Variants in OR2C1 observed in about 807,000 individuals in gnomAD.
OR2C1 encodes the protein olfactory receptor 2C1.
For synonymous variants in OR2C1, 209 were observed against 167.3 expected (o/e 1.25, Z -1.92); for missense variants, 468 against 388.3 (o/e 1.21, Z -1.73).
At chr16:3,343,910 C>T in the OR2C1 span, among the ~76,000 whole-genome samples, 8 of 152,134 alleles carry the variant, frequency 5.3e-5, no homozygotes, top group Non-Finnish European at 7.4e-5. Context: ...AAGTTTATCT[C>T]GACTGGCTTA....
chr16:3,334,004 A>G, the OR2C1 span, among the ~76,000 whole-genome samples: 2 of 151,340 alleles, frequency 1.3e-5, no homozygotes, highest in Non-Finnish European at 1.5e-5. Flanking sequence ...ACAGGGTCTC[A>G]CTCTGTCACC....
the OR2C1 span, among the ~76,000 whole-genome samples, chr16:3,342,948 A>G: frequency 6.6e-6 from 1 of 152,222 alleles, no homozygotes; most frequent in African/African-American, 2.4e-5. Context: ...CCAGTGAATT[A>G]TGCTGAGTGA....
chr16:3,349,093 T>C, the OR2C1 span, among the ~76,000 whole-genome samples: 4 of 152,168 alleles, frequency 2.6e-5, no homozygotes, highest in South Asian at 8.3e-4. Context: ...TAAGAGGAGA[T>C]AAGGCCACCT....
chr16:3,323,750 G>C, the OR2C1 span: 1 of 690,044 alleles, frequency 1.4e-6, no homozygotes, highest in Non-Finnish European at 2.6e-6. Context: ...CTGCCACCAG[G>C]AATTATGTAG....
At chr16:3,331,019 G>C in the OR2C1 span, among the ~76,000 whole-genome samples, 4 of 152,110 alleles carry the variant, frequency 2.6e-5, no homozygotes, top group Admixed American at 1.3e-4. Flanking sequence ...TAAAAGTGTT[G>C]CTATTTCTCC....
upstream of OR2C1, among the ~76,000 whole-genome samples, chr16:3,351,220 C>CTTTTTTTT (rs779814781): frequency 1.1e-3 from 21 of 18,650 alleles, no homozygotes; most frequent in African/African-American, 3.8e-3. Context: ...TTTTCTTTTT[C>CTTTTTTTT]TTTTTCTTTT....
rs775333878 is a variant in OR2C1 at position 3,355,932 on chromosome 16, C to A, written c.-9C>A. On this transcript the variant is annotated 5_prime_UTR_variant, in exon 1 of 1. Transcript: ENST00000304936. The stretch of plus-strand genomic sequence containing the variant: ...AATGAATTCATCAAGTGACTGAAGA[C>A]AACCAGTGATGGACGGGGTGAATGA... The A allele has an allele frequency of 6.3e-7, 1 of 1,579,828 alleles. No individual in the cohort carries two copies. Among genetic ancestry groups the A allele is most frequent in the Non-Finnish European group, 8.6e-7 (1 of 1,160,266 alleles).
In OR2C1 at chr16:3,355,977, G is replaced by A; in HGVS notation, c.37G>A (p.Val13Ile). The A allele has an allele frequency of 1.2e-6, 2 of 1,613,664 alleles. No homozygotes were observed. Among genetic ancestry groups the A allele is most frequent in the Non-Finnish European group, 1.7e-6 (2 of 1,179,682 alleles). The change falls in exon 1 of 1, where the codon GTT becomes ATT. Residue 13 changes from valine (V) to isoleucine (I), a missense_variant. Transcript: ENST00000304936. Reference protein sequence around the residue: ...GVNDSSLQGFVLMGISDHPQL... With the variant: ...GVNDSSLQGFILMGISDHPQL... ...GAATGATAGCTCCTTGCAGGGCTTT[G>A]TTCTGATGGGCATATCAGACCATCC...
upstream of OR2C1, among the ~76,000 whole-genome samples, chr16:3,352,340 T>G (rs1047862696): frequency 1.3e-5 from 2 of 152,054 alleles, no homozygotes; most frequent in African/African-American, 4.8e-5. Context: ...TGGTCTTGGT[T>G]TCCTGACCTC....
At chr16:3,349,889 G>A in the OR2C1 span, among the ~76,000 whole-genome samples, 2 of 151,308 alleles carry the variant, frequency 1.3e-5, no homozygotes, top group Non-Finnish European at 2.9e-5. Context: ...GCAACAAAGC[G>A]AGATTCCGTC....
At chr16:3,351,546 G>A (rs781399416), upstream of OR2C1, among the ~76,000 whole-genome samples, 20 of 152,072 alleles carry the variant, frequency 1.3e-4, no homozygotes, top group Admixed American at 8.5e-4. Flanking sequence ...CAAGTCTCCC[G>A]TCTTGGCCAT....
At chr16:3,322,952 C>G in the OR2C1 span, 8 of 984,980 alleles carry the variant, frequency 8.1e-6, no homozygotes, top group East Asian at 7.9e-4. Flanking sequence ...CTTCCGCCGA[C>G]AAGGAGGCAG....
At chr16:3,357,874 G>A (rs1291402285), downstream of OR2C1, among the ~76,000 whole-genome samples, 5 of 152,038 alleles carry the variant, frequency 3.3e-5, no homozygotes, top group Non-Finnish European at 5.9e-5. Context: ...CCAGCTACTC[G>A]GGAGGCTGAG....
chr16:3,353,413 C>T (rs1001256556), upstream of OR2C1, among the ~76,000 whole-genome samples: 14 of 147,872 alleles, frequency 9.5e-5, no homozygotes, highest in South Asian at 4.3e-4. Flanking sequence ...ATTGCTTGAA[C>T]TCAGGAGGTG....
chr16:3,339,744 C>T, the OR2C1 span, among the ~76,000 whole-genome samples: 1 of 152,158 alleles, frequency 6.6e-6, no homozygotes, highest in Non-Finnish European at 1.5e-5. Context: ...GCATGAGCCA[C>T]CGCACCCGGC....
chr16:3,356,464 A>T lies in OR2C1; in HGVS notation c.524A>T (p.Glu175Val). ...CCATTGTGTGGGCACCGGAGGGTGG[A>T]GGGATTCCTCTGCGAGGTGCCTGCC... is the stretch of plus-strand genomic sequence containing the variant. ...QLPLCGHRRV[E>V]GFLCEVPAMI... is the part of the protein sequence containing the mutation. Residue 175 changes from glutamate (E) to valine (V), a missense_variant, in exon 1 of 1, where the codon GAG (glutamate) becomes GTG (valine). Transcript: ENST00000304936. 2 of 1,613,978 alleles carry T rather than the reference A, an allele frequency of 1.2e-6. No homozygotes were observed. The highest frequency in any genetic ancestry group is 1.7e-6 in the Non-Finnish European group (2 of 1,180,026).
At chr16:3,345,919 G>A in the OR2C1 span, among the ~76,000 whole-genome samples, 5 of 131,010 alleles carry the variant, frequency 3.8e-5, no homozygotes, top group African/African-American at 5.7e-5. Flanking sequence ...CTGTAGCCTC[G>A]AGCTCCTGGG....
the OR2C1 span, among the ~76,000 whole-genome samples, chr16:3,349,091 G>T: frequency 6.6e-6 from 1 of 152,082 alleles, no homozygotes; most frequent in Non-Finnish European, 1.5e-5. Flanking sequence ...GCTAAGAGGA[G>T]ATAAGGCCAC....
the OR2C1 span, among the ~76,000 whole-genome samples, chr16:3,342,832 G>A: frequency 7.9e-5 from 12 of 152,050 alleles, no homozygotes; most frequent in Non-Finnish European, 1.0e-4. Flanking sequence ...AGCCGAGATC[G>A]CTGCACTCTA....
Sources: allele counts gnomAD v4.1 joint callset (sites outside exome capture counted in the v4.1 genomes callset), GRCh38; gene constraint gnomAD v4.1.1; transcripts MANE v1.5; gene names NCBI Gene and HGNC (gene_info 2026-07-23, HGNC 2026-07-21).